The following PEX5L variants were observed in gnomAD, a reference collection of about 807,000 sequenced individuals.
PEX5L encodes the protein PEX5-related protein.
Under a neutral mutation model 84.0 loss-of-function variants are expected in PEX5L, and 30 were observed. The ratio of observed to expected loss-of-function variants is 0.36; its 90% CI spans 0.27 to 0.48. The LOEUF is 0.48. PEX5L is among the 20% of genes least tolerant of loss of function. PEX5L has a pLI of 0.99. For synonymous variants in PEX5L, 270 were observed against 283.1 expected (o/e 0.95, Z 0.46); for missense variants, 533 against 754.6 (o/e 0.71, Z 3.44).
Position 180,023,068 on chromosome 3 carries a change from A to G in PEX5L, c.21+13511T>C, listed in dbSNP as rs139851977. ...ATTTTGCAGCGGCTGAGGTACCGAC[A>G]TGGAGATATGGCCTGAATTTGCTAT... On this transcript the variant is annotated intron_variant, in intron 1 of 14. Coordinates refer to ENST00000467460, the MANE Select transcript of PEX5L (RefSeq NM_016559.3). 1.2e-3 allele frequency among the ~76,000 whole-genome samples: 188 copies of G among 152,320 alleles called. 3 individuals are homozygous for G. Among genetic ancestry groups the G allele is most frequent in the African/African-American group, 4.4e-3 (181 of 41,578 alleles).
intron 1 of PEX5L, among the ~76,000 whole-genome samples, chr3:180,024,819 G>A (rs1036691937): frequency 6.6e-6 from 1 of 152,060 alleles, no homozygotes; most frequent in African/African-American, 2.4e-5. Flanking sequence ...ACATCATAAC[G>A]TTCTGTCATA....
intron 1 of PEX5L, among the ~76,000 whole-genome samples, chr3:180,020,463 C>T (rs1395124812): frequency 2.0e-5 from 3 of 151,940 alleles, no homozygotes; most frequent in African/African-American, 7.2e-5. Flanking sequence ...ACATTAAGTA[C>T]TATCTCAAAA....
In PEX5L at chr3:179,801,690, A is replaced by T. The variant is rs966435219; in HGVS notation, c.*138T>A. The T allele has an allele frequency of 4.5e-6, 3 of 667,462 alleles. No individual in the cohort carries two copies. The highest frequency in any genetic ancestry group is 7.9e-6 in the Non-Finnish European group (3 of 378,608). 41.3% of individuals were successfully genotyped at this position (667,462 alleles called of 1,614,324 possible). A position where few individuals can be genotyped will look rare whatever the true frequency, so the allele number is the denominator to read the frequency against. ...ACAGAGACTGGGCATTGTCCACAGG[A>T]ATTAATTTCCTTGGGCTATATGACC... On this transcript the variant is annotated 3_prime_UTR_variant, in exon 15 of 15. Transcript: ENST00000467460.
At chr3:179,938,725 C>T (rs1179425633) in intron 2 of PEX5L, among the ~76,000 whole-genome samples, 1 of 152,188 alleles carries the variant, frequency 6.6e-6, no homozygotes, top group Non-Finnish European at 1.5e-5. Context: ...CTGTAAATTC[C>T]TTTCTTAAAG....
intron 4 of PEX5L, among the ~76,000 whole-genome samples, chr3:179,885,872 A>G (rs1755694839): frequency 6.6e-6 from 1 of 152,176 alleles, no homozygotes; most frequent in Non-Finnish European, 1.5e-5. Context: ...AGCCCTCAGA[A>G]CTGAGATGGT....
intron 8 of PEX5L, among the ~76,000 whole-genome samples, chr3:179,856,324 T>C (rs1320914199): frequency 6.6e-6 from 1 of 152,230 alleles, no homozygotes; most frequent in Admixed American, 6.5e-5. Flanking sequence ...TAAACTACTA[T>C]TTCAATTATT....
At chr3:179,908,841 G>A in intron 2 of PEX5L, among the ~76,000 whole-genome samples, 1 of 152,088 alleles carries the variant, frequency 6.6e-6, no homozygotes, top group Non-Finnish European at 1.5e-5. Flanking sequence ...GTGTATATGT[G>A]CCACATTTTC....
At chr3:179,836,387 A>G (rs1167391781) in intron 8 of PEX5L, among the ~76,000 whole-genome samples, 1 of 152,186 alleles carries the variant, frequency 6.6e-6, no homozygotes, top group East Asian at 1.9e-4. Flanking sequence ...ATATTTACAT[A>G]TCAATAAAGA....
At chr3:179,811,434 T>C (rs1723814053) in intron 11 of PEX5L, among the ~76,000 whole-genome samples, 1 of 152,166 alleles carries the variant, frequency 6.6e-6, no homozygotes, top group African/African-American at 2.4e-5. Context: ...TGCTCCAACG[T>C]CATCCAGACC....
intron 9 of PEX5L, among the ~76,000 whole-genome samples, chr3:179,819,494 TCAA>T (rs1727613971): frequency 6.6e-6 from 1 of 152,168 alleles, no homozygotes; most frequent in African/African-American, 2.4e-5. Context: ...TGTTGGTAAA[TCAA>T]CAGCACTCAC....
In PEX5L at chr3:179,887,664, G is replaced by A. The variant is rs771983042; in HGVS notation, c.310+9C>T. 2.7e-5 allele frequency: 42 copies of A among 1,537,232 alleles called. No individual in the cohort carries two copies. The highest frequency in any genetic ancestry group is 3.5e-5 in the Non-Finnish European group (39 of 1,110,332). On this transcript the variant is annotated intron_variant, in intron 4 of 14. Coordinates refer to ENST00000467460, the MANE Select transcript of PEX5L (RefSeq NM_016559.3). ...CTAGTTGAGGAACAGTTAAAAGTGA[G>A]AGAATTACCAGCTGTATTGGATGTT...
intron 2 of PEX5L, among the ~76,000 whole-genome samples, chr3:179,940,682 T>C (rs1232116052): frequency 6.6e-6 from 1 of 152,230 alleles, no homozygotes; most frequent in Non-Finnish European, 1.5e-5. Context: ...ACTTTTGCTC[T>C]GCCTGTATAT....
intron 2 of PEX5L, among the ~76,000 whole-genome samples, chr3:179,956,141 G>A (rs2110035934): frequency 6.6e-6 from 1 of 152,218 alleles, no homozygotes; most frequent in Non-Finnish European, 1.5e-5. Flanking sequence ...TTATCATTTT[G>A]CTGATAGGGA....
At position 179,795,393 on chromosome 3, in the gene PEX5L, T is replaced by C. The variant is rs1349045362; in HGVS notation, c.*6435A>G. 1 of 126,700 alleles carries C rather than the reference T, an allele frequency of 7.9e-6. No individual in the cohort carries two copies. The highest frequency in any genetic ancestry group is 1.9e-4 in the East Asian group (1 of 5,194). The allele number at this position is 126,700 out of a possible 1,614,324, so 7.8% of individuals were successfully genotyped here. A position where few individuals can be genotyped will look rare whatever the true frequency, so the allele number is the denominator to read the frequency against. On this transcript the variant is annotated 3_prime_UTR_variant, in exon 15 of 15. Coordinates refer to ENST00000467460, the MANE Select transcript of PEX5L (RefSeq NM_016559.3). The stretch of plus-strand genomic sequence containing the variant: ...CAAATTAGAAGCCAACTGAGTAAAT[T>C]AAACACATCAATATGATAAGAGGTT...
At chr3:179,844,339 T>C (rs1221294415) in intron 8 of PEX5L, among the ~76,000 whole-genome samples, 1 of 152,220 alleles carries the variant, frequency 6.6e-6, no homozygotes. Context: ...GAAGACCATA[T>C]TGTATTATTG....
intron 8 of PEX5L, among the ~76,000 whole-genome samples, chr3:179,822,426 C>G (rs1213924990): frequency 6.6e-6 from 1 of 152,204 alleles, no homozygotes; most frequent in Non-Finnish European, 1.5e-5. Context: ...GCTGGGCTCT[C>G]ACTTAATGAG....
intron 10 of PEX5L, among the ~76,000 whole-genome samples, chr3:179,815,250 ACTATATACTGTCCCTTGAAAACTACCG>A (rs1410627384): frequency 3.3e-5 from 5 of 152,206 alleles, no homozygotes; most frequent in South Asian, 2.1e-4. Flanking sequence ...GCCAGACATC[ACTATATACTGTCCCTTGAAAACTACCG>A]CTATATACTG....
intron 2 of PEX5L, among the ~76,000 whole-genome samples, chr3:179,915,710 G>T (rs1307614744): frequency 6.6e-6 from 1 of 152,146 alleles, no homozygotes; most frequent in Non-Finnish European, 1.5e-5. Context: ...GGAGAAGATG[G>T]CTGTGTATGA....
intron 2 of PEX5L, 110 bp from the exon 3 acceptor site, chr3:179,898,356 G>C (rs531033435): frequency 6.0e-6 from 4 of 665,254 alleles, no homozygotes; most frequent in African/African-American, 3.7e-5. Flanking sequence ...GAAGAGGTAG[G>C]CTGCTGCAAG....
Sources: gnomAD v4.1 joint callset for allele counts (sites outside exome capture counted in the v4.1 genomes callset) on GRCh38, gnomAD v4.1.1 for gene constraint, MANE v1.5 for transcripts, NCBI Gene and HGNC (gene_info 2026-07-23, HGNC 2026-07-21) for gene names.